PALM2AKAP2: variants seen among roughly 807,000 people sequenced by gnomAD.
The protein encoded by PALM2AKAP2 is PALM2-AKAP2 fusion protein.
PALM2AKAP2 carries 37 observed loss-of-function variants against 71.5 expected under a neutral mutation model. The observed-to-expected ratio is 0.52, with a 90% CI of 0.40 to 0.68. The LOEUF (loss-of-function observed/expected upper bound fraction) is 0.68, where lower values mean the gene tolerates loss of function less well. Among genes scored for constraint, PALM2AKAP2 ranks in the 30% least tolerant of loss-of-function variants. PALM2AKAP2 has a pLI of 0.00. For synonymous variants in PALM2AKAP2, 468 were observed against 478.8 expected, an observed-to-expected ratio of 0.98 and a Z score of 0.29; for missense variants, 1,224 against 1,191.8, an observed-to-expected ratio of 1.03 and a Z score of -0.40.
exon 2 of PALM2AKAP2, chr9:110,137,023 C>G: frequency 6.2e-7 from 1 of 1,614,052 alleles, no homozygotes; most frequent in Non-Finnish European, 8.5e-7. Context: ...TGGAGTCGCA[C>G]AAAAAGTACA....
intron 1 of PALM2AKAP2, among the ~76,000 whole-genome samples, chr9:109,642,272 G>A (rs1012130742): frequency 6.6e-6 from 1 of 151,678 alleles, no homozygotes; most frequent in Non-Finnish European, 1.5e-5. Context: ...TCCCCATCTG[G>A]AAAATGGGAA....
intron 7 of PALM2AKAP2, among the ~76,000 whole-genome samples, chr9:110,030,516 C>A (rs2080404409): frequency 6.6e-6 from 1 of 152,144 alleles, no homozygotes; most frequent in Non-Finnish European, 1.5e-5. Flanking sequence ...GTCAGAGAGA[C>A]CTTGAGCCTT....
chr9:109,903,106 G>T (rs1830365658), intron 3 of PALM2AKAP2, among the ~76,000 whole-genome samples: 2 of 152,162 alleles, frequency 1.3e-5, no homozygotes, highest in South Asian at 4.1e-4. Context: ...ACGGGTGAAA[G>T]AGCTGCTCTT....
intron 1 of PALM2AKAP2, among the ~76,000 whole-genome samples, chr9:109,676,151 C>T (rs1827645410): frequency 6.6e-6 from 1 of 152,166 alleles, no homozygotes; most frequent in African/African-American, 2.4e-5. Flanking sequence ...CTTCACATTC[C>T]TTAAAGAGGT....
chr9:109,741,418 A>G (rs920596805), intron 1 of PALM2AKAP2, among the ~76,000 whole-genome samples: 1 of 152,188 alleles, frequency 6.6e-6, no homozygotes, highest in Non-Finnish European at 1.5e-5. Context: ...TGCCGTGAAT[A>G]TTCTTGAACA....
intron 1 of PALM2AKAP2, among the ~76,000 whole-genome samples, chr9:109,747,885 G>A (rs142158325): frequency 0.042 from 6,441 of 152,206 alleles, 188 homozygotes; most frequent in Non-Finnish European, 0.053. Context: ...TGCCCAGGCT[G>A]GTCTTGAACT....
intron 7 of PALM2AKAP2, among the ~76,000 whole-genome samples, chr9:110,035,074 T>C (rs1833356500): frequency 6.6e-6 from 1 of 151,106 alleles, no homozygotes; most frequent in Admixed American, 6.7e-5. Context: ...TCATATGAAA[T>C]ACTAAGTTCT....
chr9:109,690,003 A>G (rs1349259508), intron 1 of PALM2AKAP2, among the ~76,000 whole-genome samples: 2 of 152,150 alleles, frequency 1.3e-5, no homozygotes, highest in African/African-American at 2.4e-5. Context: ...AAGAATGGGG[A>G]AGAGTTTTTT....
chr9:109,748,460 A>G (rs1046250777), intron 1 of PALM2AKAP2, among the ~76,000 whole-genome samples: 3 of 152,110 alleles, frequency 2.0e-5, no homozygotes, highest in African/African-American at 7.2e-5. Flanking sequence ...GTGAGATAAC[A>G]TGGGTCAGGA....
At chr9:109,820,731 T>A (rs771908216) in intron 1 of PALM2AKAP2, among the ~76,000 whole-genome samples, 13 of 152,182 alleles carry the variant, frequency 8.5e-5, no homozygotes, top group Non-Finnish European at 1.8e-4. Context: ...GTTGGGAGAA[T>A]CCATGGGTTG....
At chr9:110,152,772 G>C (rs1415535939) in intron 2 of PALM2AKAP2, among the ~76,000 whole-genome samples, 1 of 152,158 alleles carries the variant, frequency 6.6e-6, no homozygotes, top group Non-Finnish European at 1.5e-5. Flanking sequence ...CCAGCCTTTT[G>C]GCAGCCTGTG....
At chr9:109,828,641 A>G (rs896235846) in intron 1 of PALM2AKAP2, among the ~76,000 whole-genome samples, 1 of 152,030 alleles carries the variant, frequency 6.6e-6, no homozygotes, top group Non-Finnish European at 1.5e-5. Context: ...ACCACTACCC[A>G]GAGATATTTG....
rs200694533 is a variant in PALM2AKAP2, at chr9:110,032,691, A to AAAAT, written c.582+16700_582+16703dup. Among the ~76,000 whole-genome samples, 672 of 131,462 alleles carry AAAAT rather than the reference A, an allele frequency of 5.1e-3. 1 individual carries two copies. Among genetic ancestry groups the AAAAT allele is most frequent in the South Asian group, 6.3e-3 (26 of 4,114 alleles). The allele number at this position is 131,462 out of a possible 152,430, so 86.2% of individuals were successfully genotyped here. ...GGGTGACAGAGTGAGATTCTGTCTC[A>AAAAT]AAATAAATAAATAAATAAATAAATA... On this transcript the variant is annotated intron_variant, in intron 7 of 9. Coordinates refer to the PALM2AKAP2 transcript ENST00000302798.
intron 7 of PALM2AKAP2, among the ~76,000 whole-genome samples, chr9:110,035,253 A>G (rs1044034356): frequency 8.1e-6 from 1 of 122,818 alleles, no homozygotes; most frequent in African/African-American, 3.0e-5. Context: ...TAATTATATT[A>G]TATACACACA....
chr9:109,728,002 A>T (rs1178442051), intron 1 of PALM2AKAP2, among the ~76,000 whole-genome samples: 1 of 152,208 alleles, frequency 6.6e-6, no homozygotes, highest in South Asian at 2.1e-4. Context: ...CTATTCAGGA[A>T]TTCAAATACA....
At chr9:110,129,601 G>T (rs1835690110) in intron 1 of PALM2AKAP2, among the ~76,000 whole-genome samples, 1 of 152,208 alleles carries the variant, frequency 6.6e-6, no homozygotes, top group Non-Finnish European at 1.5e-5. Context: ...ACATATGTAT[G>T]TGCATGTACT....
At chr9:109,746,371 C>T (rs1039260449) in intron 1 of PALM2AKAP2, among the ~76,000 whole-genome samples, 3 of 152,144 alleles carry the variant, frequency 2.0e-5, no homozygotes, top group African/African-American at 7.2e-5. Flanking sequence ...GAATGTCTTT[C>T]CCATTAATCC....
At chr9:110,151,705 T>C (rs1836319278) in intron 2 of PALM2AKAP2, among the ~76,000 whole-genome samples, 1 of 152,256 alleles carries the variant, frequency 6.6e-6, no homozygotes, top group Non-Finnish European at 1.5e-5. Flanking sequence ...TGGAATAGTT[T>C]GAATATGATC....
At chr9:109,909,394 G>A (rs933612967) in intron 3 of PALM2AKAP2, among the ~76,000 whole-genome samples, 1 of 152,244 alleles carries the variant, frequency 6.6e-6, no homozygotes, top group African/African-American at 2.4e-5. Context: ...CGGAAGGTCT[G>A]CTTGAGGCTA....
Sources: gnomAD v4.1 joint callset for allele counts (sites outside exome capture counted in the v4.1 genomes callset) on GRCh38, gnomAD v4.1.1 for gene constraint, MANE v1.5 for transcripts, NCBI Gene and HGNC (gene_info 2026-07-23, HGNC 2026-07-21) for gene names.